The following GRB10 variants were observed in gnomAD, a reference collection of about 807,000 sequenced individuals.
GRB10 encodes growth factor receptor-bound protein 10.
In GRB10, 20 loss-of-function variants were observed where a neutral mutation model predicts 80.9. The observed-to-expected ratio is 0.25, with a 90% confidence interval of 0.17 to 0.36. GRB10 has a LOEUF of 0.36. Ranked by LOEUF, GRB10 falls within the 10% of genes least tolerant of loss-of-function variation. GRB10 has a pLI of 1.00. For missense variants in GRB10, 548 were observed against 747.7 expected (o/e 0.73, Z 3.12); for synonymous variants, 291 against 291.5 (o/e 1.00, Z 0.02).
intron 7 of GRB10, 23 bp downstream of exon 7, chr7:50,669,699 G>C (rs1467504969): frequency 6.2e-7 from 1 of 1,609,356 alleles, no homozygotes; most frequent in East Asian, 2.2e-5. Flanking sequence ...CTCAGCCTGG[G>C]CTCCAGCCAG....
chr7:50,654,113 C>CCA (rs1429249149), intron 7 of GRB10, among the ~76,000 whole-genome samples: 13 of 152,190 alleles, frequency 8.5e-5, no homozygotes, highest in African/African-American at 2.9e-4. Context: ...ACCCCCTTTG[C>CCA]ACAGTGTGTT....
chr7:50,707,224 AT>A (rs1365085350), intron 4 of GRB10, among the ~76,000 whole-genome samples: 9 of 152,266 alleles, frequency 5.9e-5, no homozygotes, highest in African/African-American at 2.2e-4. Flanking sequence ...TCTTCCTGAC[AT>A]TTATTTTGGA....
At chr7:50,759,401 A>G (rs935240253) in intron 2 of GRB10, among the ~76,000 whole-genome samples, 4 of 152,038 alleles carry the variant, frequency 2.6e-5, no homozygotes, top group African/African-American at 7.2e-5. Flanking sequence ...ATCTCTCAGC[A>G]CCTATGGCGG....
Position 50,593,223 on chromosome 7 carries a change from T to C in GRB10, c.1639-125A>G. The C allele has an allele frequency of 5.3e-6, 6 of 1,122,722 alleles. No homozygotes were observed. In the South Asian group the frequency reaches 6.3e-5, roughly 12 times the overall value. The allele number at this position is 1,122,722 out of a possible 1,614,324, so 69.5% of individuals were successfully genotyped here. Reference sequence around the variant, plus strand: ...TTCCAGAGGGACACACAGGGCAAGGTAGGCTAGAAAACACCAGGGGCGGGA... The same window carrying C: ...TTCCAGAGGGACACACAGGGCAAGGCAGGCTAGAAAACACCAGGGGCGGGA... On this transcript the variant is annotated intron_variant, in intron 18 of 18. Coordinates refer to ENST00000401949, the MANE Select transcript of GRB10 (RefSeq NM_001350814.2).
intron 8 of GRB10, among the ~76,000 whole-genome samples, chr7:50,622,053 T>TG (rs2153585738): frequency 6.6e-6 from 1 of 152,264 alleles, no homozygotes; most frequent in South Asian, 2.1e-4. Context: ...CTGCAGCCCT[T>TG]GGGCCACTCC....
chr7:50,669,948 C>T, intron 6 of GRB10, 85 bp from the exon 7 acceptor site: 2 of 1,490,148 alleles, frequency 1.3e-6, no homozygotes, highest in Non-Finnish European at 1.8e-6. Flanking sequence ...ACCCAGAAAG[C>T]AGGACACAGG....
At chr7:50,597,004 T>A (rs1239616885) in intron 17 of GRB10, among the ~76,000 whole-genome samples, 2 of 152,140 alleles carry the variant, frequency 1.3e-5, no homozygotes, top group Non-Finnish European at 2.9e-5. Context: ...TTTAAATGTA[T>A]CCAAAACCAA....
At chr7:50,728,883 C>A (rs1241769652) in intron 4 of GRB10, among the ~76,000 whole-genome samples, 1 of 152,284 alleles carries the variant, frequency 6.6e-6, no homozygotes. Flanking sequence ...GTTGGCCAAG[C>A]TGGTCTCGAA....
At position 50,669,815 on chromosome 7, in the gene GRB10, G is replaced by A; in HGVS notation, c.411C>T (p.Ala137=). 6.2e-7 allele frequency: 1 copy of A among 1,613,898 alleles called. No homozygotes were observed. The highest frequency in any genetic ancestry group is 8.5e-7 in the Non-Finnish European group (1 of 1,179,944). The change falls in exon 7 of 19, where the codon GCC becomes GCT. Residue 137 remains alanine, a synonymous_variant. Coordinates refer to ENST00000401949, the MANE Select transcript of GRB10 (RefSeq NM_001350814.2). ...DQQFRTSSLP[A]IPNPFPELCG... ...AGAGTTCAGGAAAAGGATTGGGGAT[G>A]GCCGGCAGAGATGAGGTTCTAAACT...
intron 7 of GRB10, among the ~76,000 whole-genome samples, chr7:50,629,088 A>C (rs1252479857): frequency 6.6e-6 from 1 of 152,178 alleles, no homozygotes; most frequent in Non-Finnish European, 1.5e-5. Context: ...TCTGCTACCC[A>C]AATCAGGGTT....
At chr7:50,665,904 A>T (rs772526204) in intron 7 of GRB10, among the ~76,000 whole-genome samples, 1 of 152,062 alleles carries the variant, frequency 6.6e-6, no homozygotes, top group Non-Finnish European at 1.5e-5. Context: ...ACAGGTTTGA[A>T]ACTCAGCTAT....
At chr7:50,640,691 T>A (rs1366992817) in intron 7 of GRB10, among the ~76,000 whole-genome samples, 1 of 152,252 alleles carries the variant, frequency 6.6e-6, no homozygotes, top group African/African-American at 2.4e-5. Context: ...TTATTTGCCA[T>A]CCAAATCATC....
chr7:50,711,269 CT>C (rs986755608), intron 4 of GRB10, among the ~76,000 whole-genome samples: 2 of 151,882 alleles, frequency 1.3e-5, no homozygotes, highest in African/African-American at 4.8e-5. Context: ...CCCCCACCCC[CT>C]GAAACCCTCT....
At chr7:50,742,253 ACACGCGCACGCGCGCGCG>A (rs1278414548) in intron 3 of GRB10, among the ~76,000 whole-genome samples, 8 of 47,016 alleles carry the variant, frequency 1.7e-4, no homozygotes, top group African/African-American at 7.2e-4. Context: ...ATGTGTAAAC[ACACGCGCACGCGCGCGCG>A]CACACACACA....
chr7:50,746,724 TC>T (rs2072977384), intron 3 of GRB10, among the ~76,000 whole-genome samples: 1 of 151,950 alleles, frequency 6.6e-6, no homozygotes, highest in African/African-American at 2.4e-5. Context: ...CAGTGCAGCA[TC>T]CCCAAACCCC....
At chr7:50,748,029 A>G (rs2073309611) in intron 3 of GRB10, among the ~76,000 whole-genome samples, 1 of 152,192 alleles carries the variant, frequency 6.6e-6, no homozygotes, top group Non-Finnish European at 1.5e-5. Context: ...TCTAGAAGGC[A>G]GGACGCATGC....
intron 3 of GRB10, among the ~76,000 whole-genome samples, chr7:50,751,747 A>T (rs1329191874): frequency 6.6e-6 from 1 of 152,232 alleles, no homozygotes; most frequent in Non-Finnish European, 1.5e-5. Flanking sequence ...AAAAAGAATG[A>T]AAACAATTTG....
At chr7:50,685,457 A>T (rs567081111) in intron 5 of GRB10, among the ~76,000 whole-genome samples, 5 of 152,114 alleles carry the variant, frequency 3.3e-5, no homozygotes, top group African/African-American at 1.2e-4. Context: ...AAGAGTGGGC[A>T]CCCAAGGGCA....
chr7:50,636,819 AATAAG>A (rs1443692294), intron 7 of GRB10, among the ~76,000 whole-genome samples: 3 of 150,884 alleles, frequency 2.0e-5, no homozygotes, highest in African/African-American at 7.3e-5. Context: ...TAAGAACTGG[AATAAG>A]ATAAGAATGT....
Sources: gnomAD v4.1 joint callset for allele counts (sites outside exome capture counted in the v4.1 genomes callset) on GRCh38, gnomAD v4.1.1 for gene constraint, MANE v1.5 for transcripts, NCBI Gene and HGNC (gene_info 2026-07-23, HGNC 2026-07-21) for gene names.